The following ARID1A variants were observed in gnomAD, a reference collection of about 807,000 sequenced individuals.
The protein encoded by ARID1A is AT-rich interaction domain 1A.
A neutral mutation model predicts 212.6 loss-of-function variants in ARID1A; 20 were observed. That is an observed-to-expected ratio of 0.09 (90% confidence interval 0.07 to 0.14). ARID1A has a LOEUF of 0.14. ARID1A is among the 10% of genes least tolerant of loss of function. ARID1A has a pLI of 1.00. For missense variants in ARID1A, 2,587 were observed against 3,059.0 expected (o/e 0.85, Z 3.64); for synonymous variants, 1,376 against 1,222.1 (o/e 1.13, Z -2.63).
At chr1:26,722,888 A>C (rs2080578854) in intron 1 of ARID1A, among the ~76,000 whole-genome samples, 1 of 152,112 alleles carries the variant, frequency 6.6e-6, no homozygotes, top group Admixed American at 6.6e-5. Flanking sequence ...GGAGGTTAGA[A>C]ATCTCTTATT....
intron 1 of ARID1A, among the ~76,000 whole-genome samples, chr1:26,722,104 C>T (rs1358569177): frequency 2.6e-5 from 4 of 152,068 alleles, no homozygotes; most frequent in African/African-American, 9.7e-5. Context: ...CAAGCGCCTT[C>T]CTGGAGGTTT....
chr1:26,751,186 C>T (rs1456352422), intron 4 of ARID1A, among the ~76,000 whole-genome samples: 3 of 151,558 alleles, frequency 2.0e-5, no homozygotes, highest in South Asian at 2.1e-4. Context: ...ACCTGGGAGG[C>T]GGAGATTGCA....
rs745691266 is a variant in ARID1A, at chr1:26,780,714, A to G, written c.6816A>G (p.Ser2272=). The change falls in exon 20 of 20, where the codon TCA becomes TCG. Residue 2272 remains serine (S), a synonymous_variant. Coordinates refer to ENST00000324856, the MANE Select transcript of ARID1A (RefSeq NM_006015.6). The surrounding 1 kb of genome is among the most constrained non-coding windows in gnomAD (Gnocchi z 7.2). ...CACCGTTGATGAACTCATTGGTTTCACAAGTCATTTGTGATGTACTGTTTT... is the reference window on the plus strand; with the variant it reads ...CACCGTTGATGAACTCATTGGTTTCGCAAGTCATTTGTGATGTACTGTTTT... ...SVSPLMNSLV[S]QVICDVLFLI... 6.3e-7 allele frequency: 1 copy of G among 1,589,900 alleles called. No homozygotes were observed. The highest frequency in any genetic ancestry group is 8.5e-7 in the Non-Finnish European group (1 of 1,171,050).
chr1:26,762,129 A>C (rs370601808), intron 6 of ARID1A, 23 bp from the exon 7 acceptor site: 2 of 1,603,420 alleles, frequency 1.2e-6, no homozygotes, highest in Non-Finnish European at 1.7e-6. Context: ...GCTAATAACT[A>C]TATGGATGCT....
At chr1:26,777,052 T>C (rs1236400396) in intron 19 of ARID1A, among the ~76,000 whole-genome samples, 2 of 152,236 alleles carry the variant, frequency 1.3e-5, no homozygotes, top group Non-Finnish European at 2.9e-5. Flanking sequence ...TTTATCATTT[T>C]ATACAGCTAC....
intron 11 of ARID1A, among the ~76,000 whole-genome samples, chr1:26,768,359 T>C (rs984471660): frequency 4.6e-5 from 7 of 152,242 alleles, no homozygotes; most frequent in East Asian, 1.9e-4. Flanking sequence ...TGGCCACTTA[T>C]AACATATATG....
intron 4 of ARID1A, among the ~76,000 whole-genome samples, chr1:26,755,256 A>G (rs955181003): frequency 5.3e-5 from 8 of 152,230 alleles, no homozygotes; most frequent in Non-Finnish European, 1.0e-4. Context: ...ACCCCTTTCT[A>G]TGCTAACATT....
At chr1:26,727,586 G>A (rs1420587680) in intron 1 of ARID1A, 1 of 152,152 alleles carries the variant, frequency 6.6e-6, no homozygotes, top group Admixed American at 6.5e-5. Context: ...AGCCCTTCCA[G>A]ACCCAGTAAA....
In ARID1A at chr1:26,697,149, C is replaced by G; in HGVS notation, c.746C>G (p.Ser249Cys). The change falls in exon 1 of 20, where the codon TCC becomes TGC. Residue 249 changes from serine (S) to cysteine (C), a missense_variant. Physicochemically the swap from Ser to Cys is moderately radical, Grantham distance 112 (BLOSUM62 -1). This residue lies in a region of ARID1A where 735 missense variants were observed against 590.6 expected (regional missense o/e 1.24). Coordinates refer to ENST00000324856, the MANE Select transcript of ARID1A (RefSeq NM_006015.6). ...TCCGGCGCGGCGGCGGCTGCCGGCT[C>G]CAAGCCGCCTCCCTCCTCCAGCGCC... ...PGSGAAAAAG[S>C]KPPPSSSASA... 1.4e-5 allele frequency: 20 copies of G among 1,442,438 alleles called. No homozygotes were observed. Among genetic ancestry groups the G allele is most frequent in the Non-Finnish European group, 1.8e-5 (20 of 1,100,808 alleles). The allele number at this position is 1,442,438 out of a possible 1,614,324, so 89.4% of individuals were successfully genotyped here.
At chr1:26,770,912 C>G (rs1246956140) in intron 11 of ARID1A, 2 of 584,854 alleles carry the variant, frequency 3.4e-6, no homozygotes, top group Non-Finnish European at 6.1e-6. Context: ...CTGATAGTTG[C>G]AGTGGAACAT....
At chr1:26,699,095 T>A (rs2124747981) in intron 1 of ARID1A, among the ~76,000 whole-genome samples, 1 of 152,356 alleles carries the variant, frequency 6.6e-6, no homozygotes. Flanking sequence ...TCTAGTTTTC[T>A]GTTTTGTCAT....
intron 4 of ARID1A, among the ~76,000 whole-genome samples, chr1:26,752,148 C>T (rs888811220): frequency 6.6e-6 from 1 of 152,188 alleles, no homozygotes; most frequent in Admixed American, 6.5e-5. Flanking sequence ...TCAACCTCTG[C>T]ATCTTTTCTT....
At chr1:26,772,677 A>G (rs771898822) in intron 13 of ARID1A, 45 bp downstream of exon 13, 6 of 1,614,050 alleles carry the variant, frequency 3.7e-6, no homozygotes, top group South Asian at 3.3e-5. Flanking sequence ...ATGGCTGAAG[A>G]TAAGTGCATG....
intron 8 of ARID1A, chr1:26,765,607 G>C (rs2081032439): frequency 6.6e-6 from 1 of 152,246 alleles, no homozygotes. Flanking sequence ...GCTCATGCCT[G>C]TAATTCCAGC....
Position 26,766,274 on chromosome 1 carries a change from C to T in ARID1A, c.2786C>T (p.Pro929Leu), listed in dbSNP as rs1446535939. 8 of 1,614,114 alleles carry T rather than the reference C, an allele frequency of 5.0e-6. No individual in the cohort carries two copies. The highest frequency in any genetic ancestry group is 1.7e-5 in the Admixed American group (1 of 60,020). The change falls in exon 9 of 20, where the codon CCT becomes CTT. Residue 929 changes from proline (P) to leucine (L), a missense_variant. Physicochemically the swap from Pro to Leu is moderately conservative, Grantham distance 98. This residue lies in a region of ARID1A where 674 missense variants were observed against 813.4 expected (regional missense o/e 0.83). Coordinates refer to ENST00000324856, the MANE Select transcript of ARID1A (RefSeq NM_006015.6). The part of the protein sequence containing the change: ...NQGGMMGTGP[P>L]YGQGINSMAG... ...GGGGGCATGATGGGAACTGGACCTCCTTATGGACAAGGGATTAATAGTATG... is the reference window on the plus strand; with the variant it reads ...GGGGGCATGATGGGAACTGGACCTCTTTATGGACAAGGGATTAATAGTATG...
chr1:26,773,619 T>G lies in ARID1A; in HGVS notation c.3906T>G (p.Thr1302=), dbSNP rs746720889. Residue 1302 remains threonine, a synonymous_variant, in exon 16 of 20, where the codon ACT becomes ACG. Transcript: ENST00000324856. The part of the protein sequence containing the change: ...PGIGPEGNMS[T]GAPQPNLMPS... ...TAGGGCCTGAGGGAAACATGAGCAC[T>G]GGGGCCCCACAGCCGAATCTCATGC... The G allele has an allele frequency of 6.2e-7, 1 of 1,614,012 alleles. No homozygotes were observed.
At chr1:26,720,007 C>T (rs2080545751) in intron 1 of ARID1A, among the ~76,000 whole-genome samples, 1 of 149,020 alleles carries the variant, frequency 6.7e-6, no homozygotes, top group Non-Finnish European at 1.5e-5. Flanking sequence ...AATCCCAGCA[C>T]TTTGGGAGGC....
intron 1 of ARID1A, among the ~76,000 whole-genome samples, chr1:26,718,489 T>C (rs2080526215): frequency 6.6e-6 from 1 of 152,134 alleles, no homozygotes; most frequent in African/African-American, 2.4e-5. Flanking sequence ...AGACCCTATA[T>C]GTACAAATGC....
rs1312825283 is a variant in ARID1A at position 26,768,008 on chromosome 1, G to A, written c.3198+9G>A. ...TTGGTGGATTGACTCAGGTGAGTGG[G>A]CGCCTGACACTTGACTGCCCCTGTG... On this transcript the variant is annotated intron_variant, in intron 11 of 19. Transcript: ENST00000324856. 4.3e-6 allele frequency: 7 copies of A among 1,612,792 alleles called. No homozygotes were observed. Among genetic ancestry groups the A allele is most frequent in the Non-Finnish European group, 5.9e-6 (7 of 1,179,180 alleles).
Sources: gnomAD v4.1 joint callset for allele counts (sites outside exome capture counted in the v4.1 genomes callset) on GRCh38, gnomAD v4.1.1 for gene constraint, gnomAD v4.1.1 regional missense constraint, Gnocchi (gnomAD v3.1) non-coding constraint, MANE v1.5 for transcripts, NCBI Gene and HGNC (gene_info 2026-07-23, HGNC 2026-07-21) for gene names.